AOAH: variants seen among roughly 807,000 people sequenced by gnomAD.
AOAH encodes acyloxyacyl hydrolase.
In AOAH, 64 loss-of-function variants were observed where a neutral mutation model predicts 92.2. That is an observed-to-expected ratio of 0.69 (90% CI 0.57 to 0.86). The LOEUF is 0.86. Ranked by LOEUF, AOAH falls within the 40% of genes least tolerant of loss-of-function variation. AOAH has a pLI of 0.00. For missense variants in AOAH, 656 were observed against 694.6 expected, an observed-to-expected ratio of 0.94 and a Z score of 0.62; for synonymous variants, 263 against 254.5, an observed-to-expected ratio of 1.03 and a Z score of -0.32.
intron 11 of AOAH, among the ~76,000 whole-genome samples, chr7:36,601,077 G>A (rs945048280): frequency 2.0e-5 from 3 of 152,114 alleles, no homozygotes; most frequent in African/African-American, 4.8e-5. Flanking sequence ...CACTGCTCTG[G>A]AGGTCTGCCT....
chr7:36,569,106 C>T (rs1256035297), intron 13 of AOAH, among the ~76,000 whole-genome samples: 4 of 152,038 alleles, frequency 2.6e-5, no homozygotes, highest in East Asian at 1.9e-4. Context: ...TGTAAGTGGG[C>T]GAACAGAGAG....
At chr7:36,656,872 A>AG (rs1794922382) in intron 4 of AOAH, among the ~76,000 whole-genome samples, 6 of 78,536 alleles carry the variant, frequency 7.6e-5, no homozygotes, top group Admixed American at 1.3e-4. Flanking sequence ...TGGCACAAAG[A>AG]GGTTTGGTGG....
intron 19 of AOAH, among the ~76,000 whole-genome samples, chr7:36,528,435 G>C (rs988362736): frequency 6.6e-6 from 1 of 152,082 alleles, no homozygotes; most frequent in African/African-American, 2.4e-5. Flanking sequence ...CAAGAATAAA[G>C]CTCTTCTCTC....
rs545995359 is a variant in AOAH at position 36,621,620 on chromosome 7, G to A, written c.653+90C>T. ...TGAAAATCTCTTCTCTCTGTAAGTG[G>A]GAATCCCCTAGGCTGGGGGAAGGAA... On this transcript the variant is annotated intron_variant, in intron 8 of 20. Coordinates refer to ENST00000617537, the MANE Select transcript of AOAH (RefSeq NM_001637.4). 1.8e-4 allele frequency: 216 copies of A among 1,179,884 alleles called. No individual in the cohort carries two copies. The African/African-American group carries it at 3.0e-3, about 16-fold the overall frequency. The allele number at this position is 1,179,884 out of a possible 1,614,324, so 73.1% of individuals were successfully genotyped here. A position where few individuals can be genotyped will look rare whatever the true frequency, so the allele number is the denominator to read the frequency against.
chr7:36,568,261 C>A (rs1052139072), intron 13 of AOAH, among the ~76,000 whole-genome samples: 2 of 152,184 alleles, frequency 1.3e-5, no homozygotes, highest in African/African-American at 4.8e-5. Flanking sequence ...TGTTAAGAGT[C>A]CTTCTCTTCC....
chr7:36,618,509 C>T lies in AOAH; in HGVS notation c.703-164G>A, dbSNP rs370969794. 4.6e-5 allele frequency among the ~76,000 whole-genome samples: 7 copies of T among 152,306 alleles called. No individual in the cohort carries two copies. In the East Asian group the frequency reaches 7.7e-4, roughly 17 times the overall value. ...TCAACATAGCAACGCCCTGTGCGAG[C>T]GAGTCGGGTTTGGGAGGAACTGAGG... On this transcript the variant is annotated intron_variant, in intron 9 of 20. Coordinates refer to ENST00000617537, the MANE Select transcript of AOAH (RefSeq NM_001637.4).
chr7:36,588,517 A>G (rs1583883646), intron 12 of AOAH, among the ~76,000 whole-genome samples: 1 of 152,248 alleles, frequency 6.6e-6, no homozygotes, highest in Non-Finnish European at 1.5e-5. Flanking sequence ...ATTATATCAC[A>G]TGTAATTTGC....
intron 6 of AOAH, among the ~76,000 whole-genome samples, chr7:36,626,178 CAG>C (rs780078026): frequency 2.3e-4 from 34 of 149,770 alleles, no homozygotes; most frequent in East Asian, 5.8e-4. Context: ...GACAGATCAA[CAG>C]AGAGAGAGAG....
At chr7:36,538,007 TC>T (rs1270219722) in intron 16 of AOAH, among the ~76,000 whole-genome samples, 1 of 147,756 alleles carries the variant, frequency 6.8e-6, no homozygotes, top group Non-Finnish European at 1.5e-5. Context: ...ATTCGTACAT[TC>T]TTTTTTTTTT....
chr7:36,563,295 G>C (rs978835556), intron 13 of AOAH, among the ~76,000 whole-genome samples: 3 of 150,644 alleles, frequency 2.0e-5, no homozygotes, highest in Non-Finnish European at 4.4e-5. Flanking sequence ...CACTATTTCT[G>C]CTGTCACTGC....
intron 12 of AOAH, among the ~76,000 whole-genome samples, chr7:36,580,074 T>C (rs1197688639): frequency 6.6e-6 from 1 of 152,218 alleles, no homozygotes; most frequent in Non-Finnish European, 1.5e-5. Context: ...ATGGCAGTCT[T>C]GGTGTGTGTC....
At chr7:36,551,096 CAG>C (rs1435586738) in intron 13 of AOAH, among the ~76,000 whole-genome samples, 1 of 126,630 alleles carries the variant, frequency 7.9e-6, no homozygotes, top group East Asian at 2.3e-4. Flanking sequence ...TTTTTTTAGA[CAG>C]AGTCTTGCTC....
chr7:36,524,520 A>C (rs1784287468), intron 19 of AOAH, among the ~76,000 whole-genome samples: 1 of 151,528 alleles, frequency 6.6e-6, no homozygotes, highest in African/African-American at 2.4e-5. Flanking sequence ...AAAAAAACAA[A>C]AAAAAATTAG....
chr7:36,640,840 G>T (rs1793851349), intron 4 of AOAH, among the ~76,000 whole-genome samples: 1 of 152,200 alleles, frequency 6.6e-6, no homozygotes, highest in Non-Finnish European at 1.5e-5. Flanking sequence ...AAGGACCCCA[G>T]CCTGGCCGAC....
intron 19 of AOAH, among the ~76,000 whole-genome samples, chr7:36,530,090 C>T (rs1453069991): frequency 6.6e-6 from 1 of 152,178 alleles, no homozygotes. Flanking sequence ...GTAACCAGGG[C>T]TTTTAACCCG....
chr7:36,678,135 A>G (rs1796375613), intron 2 of AOAH, among the ~76,000 whole-genome samples: 1 of 152,212 alleles, frequency 6.6e-6, no homozygotes, highest in Admixed American at 6.5e-5. Flanking sequence ...AAAGTGTTTA[A>G]ATACAGATTC....
chr7:36,654,813 G>A (rs1245708836), intron 4 of AOAH, among the ~76,000 whole-genome samples: 6 of 152,144 alleles, frequency 3.9e-5, no homozygotes, highest in East Asian at 1.9e-4. Flanking sequence ...CAGAGAGCAC[G>A]GTGAATGAGA....
intron 13 of AOAH, among the ~76,000 whole-genome samples, chr7:36,554,822 G>A (rs377475776): frequency 6.6e-6 from 1 of 151,312 alleles, no homozygotes; most frequent in Non-Finnish European, 1.5e-5. Context: ...TGTGATTTTT[G>A]TACATTGATT....
intron 1 of AOAH, among the ~76,000 whole-genome samples, chr7:36,721,916 G>A (rs1294588854): frequency 1.3e-5 from 2 of 152,142 alleles, no homozygotes; most frequent in Admixed American, 6.6e-5. Flanking sequence ...TCTAATTCCT[G>A]TCTTTTGGAA....
Sources: allele counts gnomAD v4.1 joint callset (sites outside exome capture counted in the v4.1 genomes callset), GRCh38; gene constraint gnomAD v4.1.1; transcripts MANE v1.5; gene names NCBI Gene and HGNC (gene_info 2026-07-23, HGNC 2026-07-21).